Variants in AMD1 observed in about 807,000 individuals in gnomAD.
AMD1 encodes adenosylmethionine decarboxylase 1, also known as S-adenosylmethionine decarboxylase proenzyme.
Under a neutral mutation model 40.2 loss-of-function variants are expected in AMD1, and 11 were observed. The ratio of observed to expected loss-of-function variants is 0.27; its 90% CI spans 0.17 to 0.45. The LOEUF is 0.45. Among genes scored for constraint, AMD1 ranks in the 20% least tolerant of loss-of-function variants. AMD1 has a pLI of 1.00. For synonymous variants in AMD1, 121 were observed against 130.8 expected, an observed-to-expected ratio of 0.93 and a Z score of 0.51; for missense variants, 257 against 410.2, an observed-to-expected ratio of 0.63 and a Z score of 3.23.
intron 1 of AMD1, among the ~76,000 whole-genome samples, chr6:110,876,719 A>T (rs1785134716): frequency 6.6e-6 from 1 of 152,234 alleles, no homozygotes. Flanking sequence ...GGAGAAGCTT[A>T]GTATTTCCTT....
At chr6:110,862,319 G>A in the AMD1 span, among the ~76,000 whole-genome samples, 5 of 134,690 alleles carry the variant, frequency 3.7e-5, no homozygotes, top group African/African-American at 1.4e-4. Context: ...CTGGTTTTGT[G>A]TGATTGTTCT....
chr6:110,828,064 A>G, the AMD1 span, among the ~76,000 whole-genome samples: 1 of 152,214 alleles, frequency 6.6e-6, no homozygotes, highest in Admixed American at 6.5e-5. Flanking sequence ...GCTGATGTTA[A>G]TTTCACAGAG....
the AMD1 span, among the ~76,000 whole-genome samples, chr6:110,828,556 G>A: frequency 1.3e-5 from 2 of 152,200 alleles, no homozygotes; most frequent in African/African-American, 4.8e-5. Flanking sequence ...CAGCATCAAC[G>A]GATTAGTCAT....
chr6:110,831,311 C>T, the AMD1 span, among the ~76,000 whole-genome samples: 4 of 151,754 alleles, frequency 2.6e-5, no homozygotes, highest in Non-Finnish European at 4.4e-5. Flanking sequence ...TGGTGGCAGG[C>T]ACCTGTAATC....
chr6:110,874,475 A>C (rs1784986045), upstream of AMD1, among the ~76,000 whole-genome samples: 1 of 151,144 alleles, frequency 6.6e-6, no homozygotes, highest in Admixed American at 6.6e-5. Flanking sequence ...TTTTCTAAAC[A>C]GCTCTGCACA....
At chr6:110,858,512 A>T in the AMD1 span, 2 of 1,577,154 alleles carry the variant, frequency 1.3e-6, no homozygotes, top group Admixed American at 1.7e-5. Flanking sequence ...CTCCAATTTC[A>T]TCAAGGCCAT....
chr6:110,837,413 T>C, the AMD1 span, among the ~76,000 whole-genome samples: 1 of 151,544 alleles, frequency 6.6e-6, no homozygotes, highest in Non-Finnish European at 1.5e-5. Flanking sequence ...TCATAATTGA[T>C]ACATAAAATA....
At chr6:110,829,835 G>A in the AMD1 span, among the ~76,000 whole-genome samples, 1 of 151,988 alleles carries the variant, frequency 6.6e-6, no homozygotes, top group Admixed American at 6.6e-5. Flanking sequence ...GACAGAGTGA[G>A]ACCCTGTCTC....
At chr6:110,855,083 T>C in the AMD1 span, among the ~76,000 whole-genome samples, 3 of 146,562 alleles carry the variant, frequency 2.0e-5, no homozygotes, top group Non-Finnish European at 4.5e-5. Flanking sequence ...TTTTTTTTTT[T>C]TTTTTTGAGA....
At chr6:110,846,653 C>T in the AMD1 span, among the ~76,000 whole-genome samples, 1 of 152,098 alleles carries the variant, frequency 6.6e-6, no homozygotes, top group Non-Finnish European at 1.5e-5. Flanking sequence ...AGGTGGATCA[C>T]AAGGTCAGGA....
the AMD1 span, among the ~76,000 whole-genome samples, chr6:110,818,262 G>A: frequency 6.6e-6 from 1 of 152,112 alleles, no homozygotes; most frequent in Non-Finnish European, 1.5e-5. Context: ...CTCCAATCAG[G>A]AGCAGTTGCA....
chr6:110,859,732 G>C, the AMD1 span, among the ~76,000 whole-genome samples: 1 of 151,934 alleles, frequency 6.6e-6, no homozygotes, highest in Non-Finnish European at 1.5e-5. Flanking sequence ...CCTGGGGCCC[G>C]GTGAGGAAAG....
the AMD1 span, chr6:110,815,366 C>T: frequency 5.1e-6 from 2 of 391,308 alleles, no homozygotes; most frequent in South Asian, 7.2e-5. Flanking sequence ...ACGGCGGCGG[C>T]GGCTCCCGCA....
chr6:110,845,239 A>T, the AMD1 span, among the ~76,000 whole-genome samples: 1 of 151,882 alleles, frequency 6.6e-6, no homozygotes, highest in Non-Finnish European at 1.5e-5. Flanking sequence ...GGGTTTCACC[A>T]TGTTGGCCAG....
chr6:110,856,131 G>A, the AMD1 span, among the ~76,000 whole-genome samples: 2 of 151,966 alleles, frequency 1.3e-5, no homozygotes, highest in Non-Finnish European at 2.9e-5. Context: ...GAAATCCAGA[G>A]GGGAAGATCA....
At position 110,874,837 on chromosome 6, in the gene AMD1, A is replaced by C; in HGVS notation, c.-269A>C. Reference sequence around the variant, plus strand: ...GCTAGCGCTCGCTCTACTCTCTCTAACGGGAAAGCAGCGGAATACAAGAGA... The same window carrying C: ...GCTAGCGCTCGCTCTACTCTCTCTACCGGGAAAGCAGCGGAATACAAGAGA... On this transcript the variant is annotated 5_prime_UTR_variant, in exon 1 of 9. Transcript: ENST00000368885. The C allele has an allele frequency of 2.6e-6, 1 of 391,178 alleles. No homozygotes were observed. Among genetic ancestry groups the C allele is most frequent in the Non-Finnish European group, 4.7e-6 (1 of 214,616 alleles). The allele number at this position is 391,178 out of a possible 1,614,324, so 24.2% of individuals were successfully genotyped here. A position where few individuals can be genotyped will look rare whatever the true frequency, so the allele number is the denominator to read the frequency against.
the AMD1 span, among the ~76,000 whole-genome samples, chr6:110,851,291 G>C: frequency 2.0e-5 from 3 of 152,080 alleles, no homozygotes; most frequent in African/African-American, 7.2e-5. Flanking sequence ...TAATAAAGAA[G>C]GGGTCTCATT....
At chr6:110,876,584 A>G (rs1785128597) in intron 1 of AMD1, among the ~76,000 whole-genome samples, 1 of 152,216 alleles carries the variant, frequency 6.6e-6, no homozygotes, top group Non-Finnish European at 1.5e-5. Flanking sequence ...GTAGAAAAAA[A>G]TACTAGTCAT....
chr6:110,849,341 T>G, the AMD1 span, among the ~76,000 whole-genome samples: 1 of 152,162 alleles, frequency 6.6e-6, no homozygotes, highest in Non-Finnish European at 1.5e-5. Flanking sequence ...AGAAATTAGA[T>G]CCCAAAGATT....
Sources: allele counts gnomAD v4.1 joint callset (sites outside exome capture counted in the v4.1 genomes callset), GRCh38; gene constraint gnomAD v4.1.1; transcripts MANE v1.5; gene names NCBI Gene and HGNC (gene_info 2026-07-23, HGNC 2026-07-21).